Variants in LYN observed in about 807,000 individuals in gnomAD.
The protein encoded by LYN is LYN proto-oncogene, Src family tyrosine kinase.
In LYN, 12 loss-of-function variants were observed where a neutral mutation model predicts 65.0. The observed-to-expected ratio is 0.18, with a 90% confidence interval of 0.12 to 0.30. LYN has a LOEUF of 0.30. Ranked by LOEUF, LYN falls within the 10% of genes least tolerant of loss-of-function variation. The pLI is 1.00. For synonymous variants in LYN, 222 were observed against 221.2 expected (o/e 1.00, Z -0.03); for missense variants, 380 against 623.2 (o/e 0.61, Z 4.16).
intron 10 of LYN, among the ~76,000 whole-genome samples, chr8:55,975,069 C>T (rs562690061): frequency 6.6e-6 from 1 of 152,306 alleles, no homozygotes; most frequent in South Asian, 2.1e-4. Flanking sequence ...ACAGCCAGCA[C>T]TGAAGAAGGC....
At chr8:55,978,915 G>A (rs1487673200) in intron 10 of LYN, among the ~76,000 whole-genome samples, 1 of 152,102 alleles carries the variant, frequency 6.6e-6, no homozygotes, top group Non-Finnish European at 1.5e-5. Flanking sequence ...CCTAGCCCTG[G>A]CTGACTCCTC....
chr8:55,972,015 C>T (rs1563319540), intron 10 of LYN, among the ~76,000 whole-genome samples: 1 of 152,124 alleles, frequency 6.6e-6, no homozygotes, highest in East Asian at 1.9e-4. Flanking sequence ...GGCCTGGGGG[C>T]AATCAAGGTC....
intron 1 of LYN, among the ~76,000 whole-genome samples, chr8:55,899,352 A>C (rs898423505): frequency 6.6e-6 from 1 of 152,204 alleles, no homozygotes; most frequent in Non-Finnish European, 1.5e-5. Context: ...CCCTAAACTG[A>C]TGTGTTTGTT....
chr8:55,880,069 G>A lies in LYN; in HGVS notation c.-40G>A. 1 of 318,066 alleles carries A rather than the reference G, an allele frequency of 3.1e-6. No individual in the cohort carries two copies. Among genetic ancestry groups the A allele is most frequent in the South Asian group, 2.2e-5 (1 of 44,530 alleles). 19.7% of individuals were successfully genotyped at this position (318,066 alleles called of 1,614,324 possible). A position where few individuals can be genotyped will look rare whatever the true frequency, so the allele number is the denominator to read the frequency against. On this transcript the variant is annotated 5_prime_UTR_variant, in exon 1 of 13. Coordinates refer to ENST00000519728, the MANE Select transcript of LYN (RefSeq NM_002350.4). The stretch of plus-strand genomic sequence containing the variant: ...CCCACTCTGAACTCAAGTCACCGTG[G>A]AGCTCCGCCGCCCCGAAACTTTCAC...
intron 10 of LYN, among the ~76,000 whole-genome samples, chr8:55,986,748 A>G (rs1185096685): frequency 6.6e-6 from 1 of 152,188 alleles, no homozygotes; most frequent in Non-Finnish European, 1.5e-5. Flanking sequence ...TTTTAGAGAC[A>G]GGATCTCTTT....
chr8:55,939,192 G>A (rs551337238), intron 1 of LYN, among the ~76,000 whole-genome samples: 45 of 152,316 alleles, frequency 3.0e-4, no homozygotes, highest in African/African-American at 1.1e-3. Context: ...CCTCTGTTGA[G>A]GTTTCTGGTG....
At chr8:55,968,651 G>C (rs1052923404) in intron 9 of LYN, among the ~76,000 whole-genome samples, 1 of 152,200 alleles carries the variant, frequency 6.6e-6, no homozygotes, top group Non-Finnish European at 1.5e-5. Context: ...AGCAGCCTGA[G>C]GGCTAAGTAC....
chr8:55,903,129 G>A (rs781076664), intron 1 of LYN, among the ~76,000 whole-genome samples: 3 of 152,192 alleles, frequency 2.0e-5, no homozygotes, highest in Admixed American at 6.5e-5. Context: ...TTACATGCGT[G>A]AGCCACTGCG....
In LYN at chr8:55,944,761, G is replaced by A. The variant is rs140137648; in HGVS notation, c.133-1687G>A. ...CTCTCAAAGTGTTGGGAATACAGGC[G>A]TGAGCCACCACACCCAGCCTGTTTT... On this transcript the variant is annotated intron_variant, in intron 2 of 12. Transcript: ENST00000519728. Among the ~76,000 whole-genome samples, 38 of 152,266 alleles carry A rather than the reference G, an allele frequency of 2.5e-4. No individual in the cohort carries two copies. The East Asian group carries it at 6.0e-3, about 24-fold the overall frequency.
intron 1 of LYN, among the ~76,000 whole-genome samples, chr8:55,935,859 G>A (rs1185703001): frequency 6.6e-6 from 1 of 151,868 alleles, no homozygotes; most frequent in Non-Finnish European, 1.5e-5. Flanking sequence ...AATGGAGTTG[G>A]TGGTGGAGCT....
rs1806971286 is a variant in LYN, at chr8:55,952,257, T to C, written c.637+142T>C. The stretch of plus-strand genomic sequence containing the variant: ...TTGCAGGTCATATTCTATAAGTGGT[T>C]CTAAATTAATCTATAGTTAGGCCAG... On this transcript the variant is annotated intron_variant, in intron 7 of 12. Coordinates refer to ENST00000519728, the MANE Select transcript of LYN (RefSeq NM_002350.4). 9 of 654,546 alleles carry C rather than the reference T, an allele frequency of 1.4e-5. No individual in the cohort carries two copies. The East Asian group carries it at 2.6e-4, about 19-fold the overall frequency. 40.5% of individuals were successfully genotyped at this position (654,546 alleles called of 1,614,324 possible).
chr8:55,951,008 T>C (rs7820971), intron 6 of LYN, among the ~76,000 whole-genome samples: 149,162 of 152,268 alleles, frequency 0.98, 73,090 homozygotes, highest in East Asian at 1. Context: ...TTTGGGAGGC[T>C]GAGGCGAGAG....
At chr8:55,897,288 C>G (rs72651459) in intron 1 of LYN, among the ~76,000 whole-genome samples, 22,374 of 152,134 alleles carry the variant, frequency 0.15, 2,214 homozygotes, top group Middle Eastern at 0.33. Flanking sequence ...AGATTAAGAA[C>G]AGTAAAGCTT....
intron 1 of LYN, among the ~76,000 whole-genome samples, chr8:55,935,661 C>G (rs1484017302): frequency 6.6e-6 from 1 of 151,712 alleles, no homozygotes; most frequent in East Asian, 1.9e-4. Flanking sequence ...GTAGTCCCCA[C>G]TACTTGCTAC....
intron 10 of LYN, among the ~76,000 whole-genome samples, chr8:55,982,019 C>T (rs978734568): frequency 3.3e-5 from 5 of 152,106 alleles, no homozygotes; most frequent in African/African-American, 7.2e-5. Flanking sequence ...CAGGGCCTCT[C>T]GTGGCCTCTC....
intron 2 of LYN, among the ~76,000 whole-genome samples, chr8:55,943,175 C>T (rs750821548): frequency 1.1e-4 from 16 of 152,136 alleles, no homozygotes; most frequent in Non-Finnish European, 1.5e-4. Context: ...ACTTCATTTC[C>T]GAGCTTATAT....
chr8:56,009,732 G>A (rs1187075057), intron 12 of LYN, among the ~76,000 whole-genome samples, 176 bp from the exon 13 acceptor site: 2 of 152,124 alleles, frequency 1.3e-5, no homozygotes, highest in Non-Finnish European at 2.9e-5. Flanking sequence ...CGCGGGGTTA[G>A]GACTTCAACC....
chr8:56,010,123 C>A lies in LYN; in HGVS notation c.*13C>A, dbSNP rs1808774085. 1 of 1,613,600 alleles carries A rather than the reference C, an allele frequency of 6.2e-7. No homozygotes were observed. The highest frequency in any genetic ancestry group is 1.7e-5 in the Admixed American group (1 of 59,992). The stretch of plus-strand genomic sequence containing the variant: ...GCAGCAGCCTTAGAGCACAGGGAGA[C>A]CCGTCCATTTGGCAGGGGTGGCTGC... On this transcript the variant is annotated 3_prime_UTR_variant, in exon 13 of 13. Transcript: ENST00000519728.
intron 10 of LYN, among the ~76,000 whole-genome samples, chr8:55,990,610 C>T (rs1052995087): frequency 6.6e-6 from 1 of 152,154 alleles, no homozygotes; most frequent in African/African-American, 2.4e-5. Context: ...AACCTGTTAT[C>T]TGTCATGTGA....
Sources: allele counts gnomAD v4.1 joint callset (sites outside exome capture counted in the v4.1 genomes callset), GRCh38; gene constraint gnomAD v4.1.1; transcripts MANE v1.5; gene names NCBI Gene and HGNC (gene_info 2026-07-23, HGNC 2026-07-21).